Variants in GRIP1 observed in about 807,000 individuals in gnomAD.
GRIP1 encodes glutamate receptor-interacting protein 1.
Under a neutral mutation model 129.9 loss-of-function variants are expected in GRIP1, and 45 were observed. The ratio of observed to expected loss-of-function variants is 0.35; its 90% CI spans 0.27 to 0.44. GRIP1 has a LOEUF of 0.44. Ranked by LOEUF, GRIP1 falls within the 20% of genes least tolerant of loss-of-function variation. GRIP1 has a pLI of 1.00. For missense variants in GRIP1, 1,196 were observed against 1,396.8 expected (o/e 0.86, Z 2.29); for synonymous variants, 530 against 520.8 (o/e 1.02, Z -0.24).
chr12:66,610,213 T>C (rs2064731737), intron 1 of GRIP1, among the ~76,000 whole-genome samples: 1 of 152,056 alleles, frequency 6.6e-6, no homozygotes. Context: ...TATATACATA[T>C]ATATACACAC....
intron 4 of GRIP1, among the ~76,000 whole-genome samples, chr12:66,531,710 T>G (rs1477490636): frequency 6.6e-6 from 1 of 152,170 alleles, no homozygotes; most frequent in South Asian, 2.1e-4. Context: ...CAGTTTTAAT[T>G]AAACAAAAAA....
At chr12:66,672,859 A>G (rs1171602996) in intron 1 of GRIP1, among the ~76,000 whole-genome samples, 1 of 152,200 alleles carries the variant, frequency 6.6e-6, no homozygotes, top group Non-Finnish European at 1.5e-5. Flanking sequence ...AGTTTTCACA[A>G]GTAATTTTTA....
chr12:66,709,471 T>C (rs192580339), intron 1 of GRIP1, among the ~76,000 whole-genome samples: 2 of 152,096 alleles, frequency 1.3e-5, no homozygotes, highest in African/African-American at 4.8e-5. Flanking sequence ...TGATCTGAGC[T>C]GGCAAGAGGT....
chr12:66,865,868 C>A (rs1312857235), intron 1 of GRIP1, among the ~76,000 whole-genome samples: 1 of 152,126 alleles, frequency 6.6e-6, no homozygotes, highest in Non-Finnish European at 1.5e-5. Context: ...TTTCCAAACT[C>A]ACTTTTCTCC....
chr12:66,739,946 G>A (rs1327115038), intron 1 of GRIP1, among the ~76,000 whole-genome samples: 2 of 152,104 alleles, frequency 1.3e-5, no homozygotes, highest in Non-Finnish European at 2.9e-5. Flanking sequence ...CTAGGAAATG[G>A]ATTAGGAAGC....
At chr12:66,378,644 G>A (rs2055936069) in intron 20 of GRIP1, among the ~76,000 whole-genome samples, 1 of 151,678 alleles carries the variant, frequency 6.6e-6, no homozygotes, top group Admixed American at 6.6e-5. Context: ...CTACTCGGGA[G>A]GCTGAGACGA....
At chr12:66,858,355 A>C (rs1162178779) in intron 1 of GRIP1, among the ~76,000 whole-genome samples, 1 of 151,914 alleles carries the variant, frequency 6.6e-6, no homozygotes, top group Non-Finnish European at 1.5e-5. Flanking sequence ...TTCATAACTC[A>C]GTTTTTATGC....
chr12:66,808,950 A>AGAAAGCAG (rs1436987085), upstream of GRIP1, among the ~76,000 whole-genome samples: 3 of 152,224 alleles, frequency 2.0e-5, no homozygotes, highest in African/African-American at 7.2e-5. Flanking sequence ...TTTGATGTAA[A>AGAAAGCAG]GAAAGCAGGC....
At chr12:66,725,064 G>A (rs946009512) in intron 1 of GRIP1, among the ~76,000 whole-genome samples, 25 of 152,288 alleles carry the variant, frequency 1.6e-4, no homozygotes, top group African/African-American at 5.8e-4. Flanking sequence ...GGCCAAGGCA[G>A]GTGGGTTACT....
chr12:67,066,888 T>TTATATATATATATATATATATA (rs1555170033), intron 1 of GRIP1, among the ~76,000 whole-genome samples: 172 of 125,544 alleles, frequency 1.4e-3, no homozygotes, highest in African/African-American at 4.4e-3. Context: ...AAATATATAT[T>TTATATATATATATATATATATA]TATATATATA....
At chr12:66,458,133 T>C (rs2059021823) in intron 9 of GRIP1, among the ~76,000 whole-genome samples, 1 of 152,232 alleles carries the variant, frequency 6.6e-6, no homozygotes, top group African/African-American at 2.4e-5. Context: ...GCAGAAACTT[T>C]CATAGCCACT....
chr12:67,065,781 T>G (rs527699318), intron 1 of GRIP1, among the ~76,000 whole-genome samples: 1 of 152,312 alleles, frequency 6.6e-6, no homozygotes, highest in African/African-American at 2.4e-5. Flanking sequence ...ATCTATCTCT[T>G]TATACTAAGA....
intron 1 of GRIP1, among the ~76,000 whole-genome samples, chr12:66,613,550 T>C (rs1387833482): frequency 6.6e-6 from 1 of 152,188 alleles, no homozygotes; most frequent in Non-Finnish European, 1.5e-5. Context: ...TTGCTTTACA[T>C]GATAAATGAT....
intron 1 of GRIP1, among the ~76,000 whole-genome samples, chr12:66,617,659 T>C (rs995514591): frequency 6.6e-6 from 1 of 152,020 alleles, no homozygotes; most frequent in Non-Finnish European, 1.5e-5. Flanking sequence ...AAATCTGGGA[T>C]ATTAACTTAT....
At chr12:66,498,309 C>T (rs1565801696) in intron 7 of GRIP1, among the ~76,000 whole-genome samples, 1 of 152,180 alleles carries the variant, frequency 6.6e-6, no homozygotes, top group Non-Finnish European at 1.5e-5. Context: ...CAAGTGGAGG[C>T]ACTCATGCCT....
chr12:67,006,973 C>T (rs890449846), intron 1 of GRIP1, among the ~76,000 whole-genome samples: 1 of 152,180 alleles, frequency 6.6e-6, no homozygotes, highest in Non-Finnish European at 1.5e-5. Context: ...AATAAAACTA[C>T]AGAACAAAAT....
intron 1 of GRIP1, among the ~76,000 whole-genome samples, chr12:66,730,191 T>C (rs2036388724): frequency 6.6e-6 from 1 of 152,154 alleles, no homozygotes; most frequent in Admixed American, 6.5e-5. Flanking sequence ...TTCCAATAAA[T>C]TTATGCCATA....
At chr12:66,830,469 G>A (rs1392673634) in intron 1 of GRIP1, among the ~76,000 whole-genome samples, 7 of 152,252 alleles carry the variant, frequency 4.6e-5, no homozygotes, top group Non-Finnish European at 7.4e-5. Context: ...ATGAGGGGCC[G>A]AAAGAGGAGG....
chr12:66,660,829 T>C (rs2033453387), intron 1 of GRIP1, among the ~76,000 whole-genome samples: 5 of 152,136 alleles, frequency 3.3e-5, no homozygotes, highest in Admixed American at 3.3e-4. Context: ...GCTATGCCCA[T>C]TAGAGTAGTG....
Sources: allele counts gnomAD v4.1 joint callset (sites outside exome capture counted in the v4.1 genomes callset), GRCh38; gene constraint gnomAD v4.1.1; transcripts MANE v1.5; gene names NCBI Gene and HGNC (gene_info 2026-07-23, HGNC 2026-07-21).